Variants in KXD1 observed in about 807,000 individuals in gnomAD.
KXD1 encodes KxDL motif containing 1.
KXD1 carries 5 observed loss-of-function variants against 12.1 expected under a neutral mutation model. The observed-to-expected ratio is 0.41, with a 90% CI of 0.22 to 0.87. The LOEUF is 0.87. Ranked by LOEUF, KXD1 falls within the 40% of genes least tolerant of loss-of-function variation. The pLI is 0.31. For synonymous variants in KXD1, 98 were observed against 100.5 expected, an observed-to-expected ratio of 0.98 and a Z score of 0.15; for missense variants, 193 against 244.9, an observed-to-expected ratio of 0.79 and a Z score of 1.41.
intron 4 of KXD1, 95 bp downstream of exon 4, chr19:18,567,273 C>G (rs1292821463): frequency 2.3e-6 from 3 of 1,303,396 alleles, no homozygotes; most frequent in Non-Finnish European, 3.3e-6. Flanking sequence ...GATACTGAGA[C>G]CAGGCTGTAA....
chr19:18,565,167 C>T (rs779024888), intron 3 of KXD1, 146 bp downstream of exon 3: 1 of 1,436,520 alleles, frequency 7.0e-7, no homozygotes, highest in African/African-American at 1.4e-5. Context: ...TGGGACAATT[C>T]CAACCCTGGG....
intron 2 of KXD1, among the ~76,000 whole-genome samples, chr19:18,563,738 G>A (rs1284807163): frequency 1.3e-5 from 2 of 152,052 alleles, no homozygotes; most frequent in South Asian, 2.1e-4. Context: ...TCTTGACTTC[G>A]TGATCCGCCC....
intron 3 of KXD1, among the ~76,000 whole-genome samples, chr19:18,566,792 C>CAA (rs112810621): frequency 8.8e-6 from 1 of 113,706 alleles, no homozygotes; most frequent in Non-Finnish European, 1.9e-5. Context: ...GATTCTGTCT[C>CAA]AAAAAAAAAA....
At position 18,562,123 on chromosome 19, in the gene KXD1, G is replaced by T; in HGVS notation, c.67G>T (p.Asp23Tyr). The T allele has an allele frequency of 6.2e-7, 1 of 1,613,080 alleles. No homozygotes were observed. The highest frequency in any genetic ancestry group is 8.5e-7 in the Non-Finnish European group (1 of 1,179,472). ...CATCCTGAGCATGGTGAACACAGAT[G>T]ATGTCAACGCCATCATCCTGGCCCA... is the stretch of plus-strand genomic sequence containing the variant. ...GRILSMVNTDDVNAIILAQKN... is the reference protein window; with the variant it reads ...GRILSMVNTDYVNAIILAQKN... Residue 23 changes from aspartate (D) to tyrosine (Y), a missense_variant, in exon 2 of 5, where the codon GAT becomes TAT. Asp to Tyr is a radical substitution (Grantham distance 160). Transcript: ENST00000222307.
Position 18,568,792 on chromosome 19 carries a change from C to T in KXD1, c.*161C>T. The T allele has an allele frequency of 1.6e-6, 1 of 606,202 alleles. No individual in the cohort carries two copies. Among genetic ancestry groups the T allele is most frequent in the Admixed American group, 3.0e-5 (1 of 33,476 alleles). The allele number at this position is 606,202 out of a possible 1,614,324, so 37.6% of individuals were successfully genotyped here. On this transcript the variant is annotated 3_prime_UTR_variant, in exon 5 of 5. Transcript: ENST00000222307. ...CTCTCTCCCGAGGGGTGTGGAATTC[C>T]TGGGGGGGTCTTTAATTCTGGCTCC...
At chr19:18,567,901 C>T (rs1299673960) in intron 4 of KXD1, among the ~76,000 whole-genome samples, 2 of 152,168 alleles carry the variant, frequency 1.3e-5, no homozygotes, top group Non-Finnish European at 2.9e-5. Flanking sequence ...GATCTTGTGT[C>T]CCTTCCTCAC....
intron 3 of KXD1, among the ~76,000 whole-genome samples, chr19:18,566,428 C>A (rs1416338187): frequency 7.0e-6 from 1 of 142,934 alleles, no homozygotes; most frequent in African/African-American, 2.5e-5. Context: ...TGCACTCAAG[C>A]CTGGGCGACA....
intron 3 of KXD1, among the ~76,000 whole-genome samples, chr19:18,566,347 A>G (rs1317035591): frequency 1.3e-5 from 2 of 151,798 alleles, no homozygotes; most frequent in Non-Finnish European, 2.9e-5. Context: ...GGGCGTCTGT[A>G]TTGCCAGCTA....
chr19:18,565,957 G>A (rs530494351), intron 3 of KXD1, among the ~76,000 whole-genome samples: 4 of 152,154 alleles, frequency 2.6e-5, no homozygotes, highest in Non-Finnish European at 4.4e-5. Context: ...TAAAGTGTTG[G>A]GATTACAGGT....
At chr19:18,563,258 G>C (rs1173904854) in intron 2 of KXD1, among the ~76,000 whole-genome samples, 1 of 151,466 alleles carries the variant, frequency 6.6e-6, no homozygotes, top group Non-Finnish European at 1.5e-5. Flanking sequence ...CAGCTGTCAC[G>C]ACACAGTACA....
At chr19:18,565,441 T>C (rs7253088) in intron 3 of KXD1, among the ~76,000 whole-genome samples, 97,299 of 151,698 alleles carry the variant, frequency 0.64, 31,581 homozygotes, top group African/African-American at 0.75. Flanking sequence ...GTGTTAGTAG[T>C]CAGGATGGTC....
In KXD1 at chr19:18,567,124, C is replaced by T. The variant is rs1975282633; in HGVS notation, c.255-8C>T. The T allele has an allele frequency of 6.2e-7, 1 of 1,614,012 alleles. No homozygotes were observed. The highest frequency in any genetic ancestry group is 2.2e-5 in the East Asian group (1 of 44,876). Reference sequence around the variant, plus strand: ...GGTTAAGCCCTGTGTGCCTTCTCTCCCCTGCAGGACGCTGAAAGGGAAACT... The same window carrying T: ...GGTTAAGCCCTGTGTGCCTTCTCTCTCCTGCAGGACGCTGAAAGGGAAACT... On this transcript the variant is annotated splice_region_variant and splice_polypyrimidine_tract_variant and intron_variant, in intron 3 of 4. Coordinates refer to ENST00000222307, the MANE Select transcript of KXD1 (RefSeq NM_024069.4).
At position 18,568,388 on chromosome 19, in the gene KXD1, C is replaced by T. The variant is rs1248538493; in HGVS notation, c.302-14C>T. The T allele has an allele frequency of 6.9e-6, 11 of 1,600,676 alleles. No homozygotes were observed. The highest frequency in any genetic ancestry group is 9.4e-6 in the Non-Finnish European group (11 of 1,168,754). ...CAAGGTGACAAAACCAACTCTTGGG[C>T]CTCCTTCCCCCAGATATCCCAGAGG... On this transcript the variant is annotated splice_polypyrimidine_tract_variant and intron_variant, in intron 4 of 4. Transcript: ENST00000222307.
In KXD1 at chr19:18,560,016, T is replaced by A. The variant is rs1437952544; in HGVS notation, c.-21-2020T>A. 4 of 126,036 alleles carry A rather than the reference T, an allele frequency of 3.2e-5. No individual in the cohort carries two copies. The East Asian group carries it at 1.0e-3, about 32-fold the overall frequency. The allele number at this position is 126,036 out of a possible 1,614,324, so 7.8% of individuals were successfully genotyped here. A position where few individuals can be genotyped will look rare whatever the true frequency, so the allele number is the denominator to read the frequency against. ...TCCCTCCCTCCCTCCCTTCCTTCCT[T>A]CTTTTCGAGATGGAGTCTCACTCTG... is the stretch of plus-strand genomic sequence containing the variant. On this transcript the variant is annotated intron_variant, in intron 1 of 4. Coordinates refer to ENST00000222307, the MANE Select transcript of KXD1 (RefSeq NM_024069.4).
intron 3 of KXD1, among the ~76,000 whole-genome samples, chr19:18,566,656 G>A (rs564201880): frequency 6.6e-6 from 1 of 152,030 alleles, no homozygotes; most frequent in East Asian, 1.9e-4. Flanking sequence ...AGCTGAGCAT[G>A]GTGGCACGTG....
chr19:18,562,563 C>T (rs1386535993), intron 2 of KXD1, among the ~76,000 whole-genome samples: 4 of 152,206 alleles, frequency 2.6e-5, no homozygotes, highest in Admixed American at 2.0e-4. Flanking sequence ...CGAGTTCAAG[C>T]GATTTCTCCT....
At chr19:18,568,330 C>T (rs1255737837) in intron 4 of KXD1, 72 bp from the exon 5 acceptor site, 11 of 1,131,960 alleles carry the variant, frequency 9.7e-6, no homozygotes, top group Non-Finnish European at 1.4e-5. Flanking sequence ...TTAGGGGTCA[C>T]ATGGACAATA....
chr19:18,567,089 C>T, intron 3 of KXD1, 43 bp from the exon 4 acceptor site: 1 of 1,605,122 alleles, frequency 6.2e-7, no homozygotes, highest in Non-Finnish European at 8.5e-7. Flanking sequence ...CCCAGCCTAC[C>T]TGCTCAGCAG....
Position 18,564,961 on chromosome 19 carries a change from A to G in KXD1, c.194A>G (p.His65Arg). ...CAGCAGATGAGCGAACGCTTCCTGC[A>G]CCACACGAGGACCCTAGTAGAGATG... Reference protein sequence around the residue: ...RLQQMSERFLHHTRTLVEMKR... With the variant: ...RLQQMSERFLRHTRTLVEMKR... The change falls in exon 3 of 5, where the codon CAC (histidine) becomes CGC (arginine). Residue 65 changes from histidine to arginine, a missense_variant. Transcript: ENST00000222307. 1 of 1,612,574 alleles carries G rather than the reference A, an allele frequency of 6.2e-7. No individual in the cohort carries two copies. Among genetic ancestry groups the G allele is most frequent in the Non-Finnish European group, 8.5e-7 (1 of 1,180,002 alleles).
Sources: gnomAD v4.1 joint callset for allele counts (sites outside exome capture counted in the v4.1 genomes callset) on GRCh38, gnomAD v4.1.1 for gene constraint, MANE v1.5 for transcripts, NCBI Gene and HGNC (gene_info 2026-07-23, HGNC 2026-07-21) for gene names.